STUB1: variants seen among roughly 807,000 people sequenced by gnomAD.
STUB1 encodes the protein STIP1 homology and U-box containing protein 1, also known as E3 ubiquitin-protein ligase CHIP.
Under a neutral mutation model 40.3 loss-of-function variants are expected in STUB1, and 37 were observed. That is an observed-to-expected ratio of 0.92 (90% CI 0.71 to 1.21). The LOEUF (loss-of-function observed/expected upper bound fraction) is 1.21, where lower values mean the gene tolerates loss of function less well. Ranked by LOEUF, STUB1 falls within the 50% of genes most tolerant of loss-of-function variation. The pLI, the probability that STUB1 is intolerant of heterozygous loss-of-function variation, is 0.00. For synonymous variants in STUB1, 246 were observed against 171.9 expected, an observed-to-expected ratio of 1.43 and a Z score of -3.37; for missense variants, 460 against 421.9, an observed-to-expected ratio of 1.09 and a Z score of -0.79.
intron 3 of STUB1, 67 bp downstream of exon 3, chr16:681,670 G>A (rs939284589): frequency 4.5e-6 from 7 of 1,564,276 alleles, no homozygotes; most frequent in African/African-American, 1.4e-5. Context: ...CGACACAAGC[G>A]TTTATCGAAG....
chr16:682,364 C>G lies in STUB1; in HGVS notation c.787C>G (p.Arg263Gly). The G allele has an allele frequency of 1.2e-6, 2 of 1,613,178 alleles. No individual in the cohort carries two copies. Among genetic ancestry groups the G allele is most frequent in the Non-Finnish European group, 1.7e-6 (2 of 1,179,996 alleles). ...CCCTCTGCCCTTCTTGTCACTGCAG[C>G]GTGTGGGTCATTTTGACCCCGTGAC... is the stretch of plus-strand genomic sequence containing the variant. ...DRKDIEEHLQ[R>G]VGHFDPVTRS... The change falls in exon 7 of 7, where the codon CGT becomes GGT. Residue 263 changes from arginine (R) to glycine (G), a missense_variant and splice_region_variant. Transcript: ENST00000219548.
In STUB1 at chr16:682,695, T is replaced by G; in HGVS notation, c.*206T>G. 1 of 1,467,602 alleles carries G rather than the reference T, an allele frequency of 6.8e-7. No homozygotes were observed. Among genetic ancestry groups the G allele is most frequent in the Non-Finnish European group, 9.3e-7 (1 of 1,072,844 alleles). 90.9% of individuals were successfully genotyped at this position (1,467,602 alleles called of 1,614,324 possible). A position where few individuals can be genotyped will look rare whatever the true frequency, so the allele number is the denominator to read the frequency against. On this transcript the variant is annotated 3_prime_UTR_variant, in exon 7 of 7. Coordinates refer to ENST00000219548, the MANE Select transcript of STUB1 (RefSeq NM_005861.4). Reference sequence around the variant, plus strand: ...GCTGGAAAAGCAGGTGAGGGTGGGCTGGGCTGAGGCCATTGCCGCCACTAT... The same window carrying G: ...GCTGGAAAAGCAGGTGAGGGTGGGCGGGGCTGAGGCCATTGCCGCCACTAT...
In STUB1 at chr16:682,043, C is replaced by A; in HGVS notation, c.636C>A (p.Asp212Glu). The change falls in exon 5 of 7, where the codon GAC becomes GAA. Residue 212 changes from aspartate to glutamate, a missense_variant. Asp to Glu is a conservative substitution (Grantham distance 45). Transcript: ENST00000219548. The stretch of plus-strand genomic sequence containing the variant: ...AGGACAAGTACATGGCGGACATGGA[C>A]GAGCTTTTTTCTCAGGTGGATGAGA... ...AKHDKYMADM[D>E]ELFSQVDEKR... 6.3e-7 allele frequency: 1 copy of A among 1,588,860 alleles called. No homozygotes were observed. The highest frequency in any genetic ancestry group is 8.6e-7 in the Non-Finnish European group (1 of 1,162,060).
chr16:682,657 T>TC lies in STUB1; in HGVS notation c.*173dup, dbSNP rs1235854227. ...CATCGCTTTTGCTGGGCCGTGATCG[T>TC]CCCCCTTTGTGGGCTGGAAAAGCAG... On this transcript the variant is annotated 3_prime_UTR_variant, in exon 7 of 7. Coordinates refer to ENST00000219548, the MANE Select transcript of STUB1 (RefSeq NM_005861.4). 1 of 1,396,218 alleles carries TC rather than the reference T, an allele frequency of 7.2e-7. No homozygotes were observed. Among genetic ancestry groups the TC allele is most frequent in the Non-Finnish European group, 9.8e-7 (1 of 1,018,564 alleles). The allele number at this position is 1,396,218 out of a possible 1,614,324, so 86.5% of individuals were successfully genotyped here.
Position 680,596 on chromosome 16 carries a change from C to G in STUB1, c.71C>G (p.Pro24Arg). 7.1e-7 allele frequency: 1 copy of G among 1,407,778 alleles called. No homozygotes were observed. Among genetic ancestry groups the G allele is most frequent in the Non-Finnish European group, 9.3e-7 (1 of 1,070,910 alleles). The allele number at this position is 1,407,778 out of a possible 1,614,324, so 87.2% of individuals were successfully genotyped here. ...GGCGGCGGAAGCCCCGAGAAGAGCC[C>G]GAGCGCGCAGGAGCTCAAGGAGCAG... ...GAGGGSPEKS[P>R]SAQELKEQGN... Residue 24 changes from proline (P) to arginine (R), a missense_variant, in exon 1 of 7, where the codon CCG becomes CGG. Coordinates refer to ENST00000219548, the MANE Select transcript of STUB1 (RefSeq NM_005861.4). This position sits in a 1 kb window ranked among gnomAD's most constrained non-coding sequence, Gnocchi z 4.9.
In STUB1 at chr16:680,651, C is replaced by T. The variant is rs938294202; in HGVS notation, c.126C>T (p.Tyr42=). ...ATCGTCTGTTCGTGGGCCGAAAGTA[C>T]CCGGAGGCGGCGGCCTGCTACGGCC... ...QGNRLFVGRK[Y]PEAAACYGRA... The change falls in exon 1 of 7, where the codon TAC becomes TAT. Residue 42 remains tyrosine, a synonymous_variant. Transcript: ENST00000219548. The surrounding 1 kb of genome is among the most constrained non-coding windows in gnomAD (Gnocchi z 4.9). 7.6e-7 allele frequency: 1 copy of T among 1,322,654 alleles called. No homozygotes were observed. Among genetic ancestry groups the T allele is most frequent in the East Asian group, 3.1e-5 (1 of 32,322 alleles). 81.9% of individuals were successfully genotyped at this position (1,322,654 alleles called of 1,614,324 possible).
Position 680,903 on chromosome 16 carries a change from C to T in STUB1, c.159+219C>T. 1.6e-6 allele frequency: 1 copy of T among 624,662 alleles called. No homozygotes were observed. Among genetic ancestry groups the T allele is most frequent in the South Asian group, 2.5e-5 (1 of 40,624 alleles). 38.7% of individuals were successfully genotyped at this position (624,662 alleles called of 1,614,324 possible). A position where few individuals can be genotyped will look rare whatever the true frequency, so the allele number is the denominator to read the frequency against. ...GGGGGGAGGGCAGGGGCCCTCGACC[C>T]TTGAGGACCCCAGGTCCTAAGCCCG... On this transcript the variant is annotated intron_variant, in intron 1 of 6. Transcript: ENST00000219548. The surrounding 1 kb of genome is among the most constrained non-coding windows in gnomAD (Gnocchi z 4.9).
rs2039637552 is a variant in STUB1 at position 680,783 on chromosome 16, C to A, written c.159+99C>A. On this transcript the variant is annotated intron_variant, in intron 1 of 6. Transcript: ENST00000219548. The surrounding 1 kb of genome is among the most constrained non-coding windows in gnomAD (Gnocchi z 4.9). Reference sequence around the variant, plus strand: ...CCGAGGGTCTGGCTCCTCTTCGGGGCGTGTCCTCGGCTCCCAAAGCCCAGC... The same window carrying A: ...CCGAGGGTCTGGCTCCTCTTCGGGGAGTGTCCTCGGCTCCCAAAGCCCAGC... 2 of 1,054,680 alleles carry A rather than the reference C, an allele frequency of 1.9e-6. No individual in the cohort carries two copies. The highest frequency in any genetic ancestry group is 2.4e-6 in the Non-Finnish European group (2 of 843,606). 65.3% of individuals were successfully genotyped at this position (1,054,680 alleles called of 1,614,324 possible).
In STUB1 at chr16:680,990, C is replaced by T; in HGVS notation, c.160-162C>T. ...GTGGAATCAAGCGGATAGGCTCAGC[C>T]AGTACTCCACTGTGCACAGATCCTT... is the stretch of plus-strand genomic sequence containing the variant. On this transcript the variant is annotated intron_variant, in intron 1 of 6. Coordinates refer to ENST00000219548, the MANE Select transcript of STUB1 (RefSeq NM_005861.4). This position sits in a 1 kb window ranked among gnomAD's most constrained non-coding sequence, Gnocchi z 4.9. The T allele has an allele frequency of 1.3e-6, 1 of 742,800 alleles. No individual in the cohort carries two copies. The highest frequency in any genetic ancestry group is 2.7e-5 in the East Asian group (1 of 36,530). The allele number at this position is 742,800 out of a possible 1,614,324, so 46.0% of individuals were successfully genotyped here.
Position 681,423 on chromosome 16 carries a change from G to A in STUB1, c.359-15G>A. 2 of 1,609,586 alleles carry A rather than the reference G, an allele frequency of 1.2e-6. No individual in the cohort carries two copies. Among genetic ancestry groups the A allele is most frequent in the Non-Finnish European group, 1.7e-6 (2 of 1,177,270 alleles). ...TGGACTGGCCAGAGAGTGACGTGAA[G>A]CCCCCGTTCCCCAGCTTACAGCCTG... On this transcript the variant is annotated splice_polypyrimidine_tract_variant and intron_variant, in intron 2 of 6. Transcript: ENST00000219548.
In STUB1 at chr16:680,618, G is replaced by A; in HGVS notation, c.93G>A (p.Glu31=). ...GCCCGAGCGCGCAGGAGCTCAAGGA[G>A]CAGGGCAATCGTCTGTTCGTGGGCC... ...EKSPSAQELK[E]QGNRLFVGRK... is the part of the protein sequence containing the mutation. The change falls in exon 1 of 7, where the codon GAG becomes GAA. Residue 31 remains glutamate, a synonymous_variant. Coordinates refer to ENST00000219548, the MANE Select transcript of STUB1 (RefSeq NM_005861.4). This position sits in a 1 kb window ranked among gnomAD's most constrained non-coding sequence, Gnocchi z 4.9. The A allele has an allele frequency of 7.1e-7, 1 of 1,405,404 alleles. No individual in the cohort carries two copies. The allele number at this position is 1,405,404 out of a possible 1,614,324, so 87.1% of individuals were successfully genotyped here.
At position 682,081 on chromosome 16, in the gene STUB1, G is replaced by C; in HGVS notation, c.669+5G>C. 1 of 1,582,416 alleles carries C rather than the reference G, an allele frequency of 6.3e-7. No individual in the cohort carries two copies. The highest frequency in any genetic ancestry group is 8.6e-7 in the Non-Finnish European group (1 of 1,158,370). On this transcript the variant is annotated splice_donor_5th_base_variant and intron_variant, in intron 5 of 6. Transcript: ENST00000219548. ...CAGGTGGATGAGAAGAGGAAGGTGA[G>C]TGTGTGTCGCTTGCTGCCGATGGCT... is the stretch of plus-strand genomic sequence containing the variant.
Position 681,892 on chromosome 16 carries a change from C to T in STUB1, c.612+12C>T. 1.2e-6 allele frequency: 2 copies of T among 1,612,896 alleles called. No homozygotes were observed. Among genetic ancestry groups the T allele is most frequent in the Non-Finnish European group, 8.5e-7 (1 of 1,179,826 alleles). ...TTGAGGCCAAGCACGTGAGGGTGCC[C>T]CCCACCCACATGTGGGTCTGTGTGT... On this transcript the variant is annotated intron_variant, in intron 4 of 6. Coordinates refer to ENST00000219548, the MANE Select transcript of STUB1 (RefSeq NM_005861.4).
chr16:680,845 G>T lies in STUB1; in HGVS notation c.159+161G>T. 1 of 744,300 alleles carries T rather than the reference G, an allele frequency of 1.3e-6. No homozygotes were observed. Among genetic ancestry groups the T allele is most frequent in the Non-Finnish European group, 1.9e-6 (1 of 539,550 alleles). 46.1% of individuals were successfully genotyped at this position (744,300 alleles called of 1,614,324 possible). A position where few individuals can be genotyped will look rare whatever the true frequency, so the allele number is the denominator to read the frequency against. ...AGCCCAGCGCCGGGTGCCGGAGAAC[G>T]AGGGTGCGATGCTGGATGGAGGCCG... is the stretch of plus-strand genomic sequence containing the variant. On this transcript the variant is annotated intron_variant, in intron 1 of 6. Transcript: ENST00000219548. This position sits in a 1 kb window ranked among gnomAD's most constrained non-coding sequence, Gnocchi z 4.9.
At chr16:681,944 C>T (rs773453530) in intron 4 of STUB1, 64 bp downstream of exon 4, 18 of 1,612,852 alleles carry the variant, frequency 1.1e-5, no homozygotes, top group Non-Finnish European at 1.4e-5. Flanking sequence ...AGCATCCCCG[C>T]CTTGTGTTGG....
rs749835376 is a variant in STUB1, at chr16:682,527, C to T, written c.*38C>T. ...TACCTGGCGTCCTGGTCCAGGGGAG[C>T]CCTGGGCAGAAGCCCCCGGCCCCTA... is the stretch of plus-strand genomic sequence containing the variant. On this transcript the variant is annotated 3_prime_UTR_variant, in exon 7 of 7. Coordinates refer to ENST00000219548, the MANE Select transcript of STUB1 (RefSeq NM_005861.4). The T allele has an allele frequency of 7.4e-6, 12 of 1,611,376 alleles. No individual in the cohort carries two copies. The highest frequency in any genetic ancestry group is 1.7e-5 in the Admixed American group (1 of 59,982).
At chr16:681,017 G>C (rs2039641699) in intron 1 of STUB1, 135 bp from the exon 2 acceptor site, 4 of 907,436 alleles carry the variant, frequency 4.4e-6, no homozygotes, top group Non-Finnish European at 6.6e-6. Flanking sequence ...CAGATCCTTG[G>C]ACCCAGGGGC....
In STUB1 at chr16:682,695, T is replaced by C; in HGVS notation, c.*206T>C. On this transcript the variant is annotated 3_prime_UTR_variant, in exon 7 of 7. Coordinates refer to ENST00000219548, the MANE Select transcript of STUB1 (RefSeq NM_005861.4). ...GCTGGAAAAGCAGGTGAGGGTGGGC[T>C]GGGCTGAGGCCATTGCCGCCACTAT... 6.8e-7 allele frequency: 1 copy of C among 1,467,602 alleles called. No homozygotes were observed. The allele number at this position is 1,467,602 out of a possible 1,614,324, so 90.9% of individuals were successfully genotyped here.
Position 681,571 on chromosome 16 carries a change from C to A in STUB1, c.492C>A (p.Tyr164Ter). The A allele has an allele frequency of 6.2e-7, 1 of 1,611,212 alleles. No individual in the cohort carries two copies. Among genetic ancestry groups the A allele is most frequent in the Non-Finnish European group, 8.5e-7 (1 of 1,179,716 alleles). The change falls in exon 3 of 7, where the codon TAC becomes TAA. Residue 164 changes from tyrosine (Y) to a stop codon, truncating the protein, a stop_gained. Transcript: ENST00000219548. LOFTEE classifies it high-confidence loss of function. ...ACCAGGAGAGCGAGCTGCACTCCTACCTCTCCAGGCTCATTGCCGCGGAGC... is the reference window on the plus strand; with the variant it reads ...ACCAGGAGAGCGAGCTGCACTCCTAACTCTCCAGGCTCATTGCCGCGGAGC... ...RIHQESELHS[Y>*]LSRLIAAERE...
Sources: gnomAD v4.1 joint callset for allele counts on GRCh38, gnomAD v4.1.1 for gene constraint, Gnocchi (gnomAD v3.1) non-coding constraint, MANE v1.5 for transcripts, NCBI Gene and HGNC (gene_info 2026-07-23, HGNC 2026-07-21) for gene names.